The following GPR89B variants were observed in gnomAD, a reference collection of about 807,000 sequenced individuals.
GPR89B encodes the protein golgi pH regulator B.
Under a neutral mutation model 52.4 loss-of-function variants are expected in GPR89B, and 25 were observed. The ratio of observed to expected loss-of-function variants is 0.48; its 90% CI spans 0.35 to 0.67. The LOEUF (loss-of-function observed/expected upper bound fraction) is 0.67. GPR89B is among the 30% of genes least tolerant of loss of function. GPR89B has a pLI of 0.01. For missense variants in GPR89B, 146 were observed against 450.2 expected (o/e 0.32, Z 6.11); for synonymous variants, 52 against 151.2 (o/e 0.34, Z 4.81).
rs1474011216 is a variant in GPR89B at position 147,928,456 on chromosome 1, G to C, written c.-81G>C. The C allele has an allele frequency of 1.9e-6, 3 of 1,557,572 alleles. No homozygotes were observed. Among genetic ancestry groups the C allele is most frequent in the African/African-American group, 1.4e-5 (1 of 73,620 alleles). On this transcript the variant is annotated 5_prime_UTR_variant, in exon 1 of 14. Coordinates refer to ENST00000314163, the MANE Select transcript of GPR89B (RefSeq NM_016334.5). ...TGCAGCACCTGGGAGAAGGCAGACCGTGTGAGGGGGCCTGTGGCCCCAGCG... is the reference window on the plus strand; with the variant it reads ...TGCAGCACCTGGGAGAAGGCAGACCCTGTGAGGGGGCCTGTGGCCCCAGCG...
intron 10 of GPR89B, among the ~76,000 whole-genome samples, chr1:147,971,834 A>G (rs1225798644): frequency 6.6e-6 from 1 of 151,784 alleles, no homozygotes; most frequent in Non-Finnish European, 1.5e-5. Flanking sequence ...TAAACCGAAC[A>G]TATATTTATG....
chr1:147,949,657 TG>T (rs1655387227), intron 5 of GPR89B, among the ~76,000 whole-genome samples: 2 of 134,348 alleles, frequency 1.5e-5, no homozygotes, highest in African/African-American at 3.0e-5. Flanking sequence ...ATGGGGCGGC[TG>T]GCCGGGCGGG....
chr1:148,025,458 G>A, the GPR89B span, among the ~76,000 whole-genome samples: 1 of 147,120 alleles, frequency 6.8e-6, no homozygotes, highest in African/African-American at 2.6e-5. Context: ...GGGAGGCAGA[G>A]GTTGCGGTGA....
the GPR89B span, among the ~76,000 whole-genome samples, chr1:148,008,126 C>T: frequency 6.6e-6 from 1 of 152,046 alleles, no homozygotes; most frequent in South Asian, 2.1e-4. Context: ...CAAGGGATCG[C>T]TTGCTAATGA....
At chr1:148,002,032 ATGC>A in the GPR89B span, among the ~76,000 whole-genome samples, 7 of 141,898 alleles carry the variant, frequency 4.9e-5, no homozygotes, top group African/African-American at 1.6e-4. Context: ...TCTTCACCAG[ATGC>A]TGCTTTTTTT....
chr1:147,964,734 T>C, intron 7 of GPR89B, among the ~76,000 whole-genome samples: 1 of 148,526 alleles, frequency 6.7e-6, no homozygotes. Context: ...GCCTCTAACT[T>C]TCACTTCTAG....
downstream of GPR89B, chr1:147,995,885 A>G: frequency 1.5e-6 from 2 of 1,331,468 alleles, no homozygotes; most frequent in South Asian, 2.5e-5. Context: ...GCCCTTCTGT[A>G]CCTGTGAACA....
intron 5 of GPR89B, 95 bp downstream of exon 5, chr1:147,944,193 A>AGCAG: frequency 7.8e-7 from 1 of 1,281,056 alleles, no homozygotes. Context: ...TGGGGAAAAA[A>AGCAG]TGTATTTGGG....
At chr1:147,975,774 G>A (rs1307481337) in intron 10 of GPR89B, among the ~76,000 whole-genome samples, 2 of 152,078 alleles carry the variant, frequency 1.3e-5, no homozygotes, top group African/African-American at 2.4e-5. Flanking sequence ...GATCTTTCTA[G>A]CTTTTTGATA....
intron 7 of GPR89B, among the ~76,000 whole-genome samples, chr1:147,962,423 CAAAAAAA>C (rs1176963367): frequency 2.5e-5 from 2 of 80,946 alleles, no homozygotes; most frequent in African/African-American, 8.8e-5. Flanking sequence ...AACTCTGTCT[CAAAAAAA>C]AAAAAAAAAG....
chr1:147,949,893 C>T (rs1384651511), intron 5 of GPR89B, among the ~76,000 whole-genome samples: 5 of 131,922 alleles, frequency 3.8e-5, no homozygotes, highest in Non-Finnish European at 4.9e-5. Flanking sequence ...CGCCCCTCAC[C>T]TCCCGGACGG....
the GPR89B span, chr1:148,010,234 G>A: frequency 6.6e-6 from 1 of 152,162 alleles, no homozygotes; most frequent in Non-Finnish European, 1.5e-5. Flanking sequence ...AGAAATCTTG[G>A]AGTGAAATTT....
chr1:148,011,869 T>A, the GPR89B span: 1 of 152,194 alleles, frequency 6.6e-6, no homozygotes, highest in Non-Finnish European at 1.5e-5. Context: ...TTTTGCTTTA[T>A]ACCTCTTGGA....
chr1:147,984,386 A>G (rs1658517003), intron 10 of GPR89B, among the ~76,000 whole-genome samples: 1 of 143,046 alleles, frequency 7.0e-6, no homozygotes, highest in Admixed American at 7.0e-5. Flanking sequence ...TGTGACAGTG[A>G]TGTCTCTCTT....
intron 5 of GPR89B, among the ~76,000 whole-genome samples, chr1:147,946,020 C>A (rs2149047119): frequency 6.6e-6 from 1 of 151,978 alleles, no homozygotes; most frequent in East Asian, 1.9e-4. Context: ...GCCACCACAC[C>A]CAGCCTCAAG....
intron 2 of GPR89B, among the ~76,000 whole-genome samples, chr1:147,938,002 A>G (rs1410977502): frequency 2.0e-5 from 3 of 152,206 alleles, no homozygotes; most frequent in Non-Finnish European, 4.4e-5. Context: ...GTAAGAAATT[A>G]TAAAAGTATT....
At chr1:148,004,468 A>G in the GPR89B span, among the ~76,000 whole-genome samples, 4 of 141,604 alleles carry the variant, frequency 2.8e-5, no homozygotes, top group East Asian at 2.2e-4. Context: ...CCCGGCCCCT[A>G]TCTCCACTTC....
In GPR89B at chr1:147,948,861, A is replaced by G. The variant is rs587636921; in HGVS notation, c.416-4484A>G. ...TAGTGGAGGGAGGGTCAGCAGATAAACAAGTGAACAAAGGTCTCTGGTTTT... is the reference window on the plus strand; with the variant it reads ...TAGTGGAGGGAGGGTCAGCAGATAAGCAAGTGAACAAAGGTCTCTGGTTTT... On this transcript the variant is annotated intron_variant, in intron 5 of 13. Coordinates refer to ENST00000314163, the MANE Select transcript of GPR89B (RefSeq NM_016334.5). 1.3e-5 allele frequency among the ~76,000 whole-genome samples: 2 copies of G among 151,754 alleles called. 1 individual carries two copies. The highest frequency in any genetic ancestry group is 4.2e-4 in the South Asian group (2 of 4,784).
intron 10 of GPR89B, among the ~76,000 whole-genome samples, chr1:147,975,155 C>T (rs2149082698): frequency 7.7e-6 from 1 of 129,630 alleles, no homozygotes; most frequent in African/African-American, 2.9e-5. Flanking sequence ...TGTATCTCTG[C>T]CAGATTTTGG....
Sources: gnomAD v4.1 joint callset for allele counts (sites outside exome capture counted in the v4.1 genomes callset) on GRCh38, gnomAD v4.1.1 for gene constraint, MANE v1.5 for transcripts, NCBI Gene and HGNC (gene_info 2026-07-23, HGNC 2026-07-21) for gene names.